The following ATOSA variants were observed in gnomAD, a reference collection of about 807,000 sequenced individuals.
The protein encoded by ATOSA is atos homolog A, also known as atos homolog protein A.
At chr15:52,624,543 T>G in the ATOSA span, among the ~76,000 whole-genome samples, 1 of 152,222 alleles carries the variant, frequency 6.6e-6, no homozygotes, top group Non-Finnish European at 1.5e-5. Context: ...ACTTAGGGCA[T>G]TAATCACAAA....
the ATOSA span, among the ~76,000 whole-genome samples, chr15:52,588,124 T>C: frequency 6.6e-6 from 1 of 152,168 alleles, no homozygotes; most frequent in East Asian, 1.9e-4. Context: ...ATGAGCATCA[T>C]CAGCATCACT....
chr15:52,696,804 A>T, the ATOSA span, among the ~76,000 whole-genome samples: 82 of 151,888 alleles, frequency 5.4e-4, no homozygotes, highest in Non-Finnish European at 1.1e-3. Context: ...GTATTTCAAC[A>T]TTATTGGATT....
the ATOSA span, chr15:52,601,040 T>G: frequency 8.4e-7 from 1 of 1,186,872 alleles, no homozygotes; most frequent in South Asian, 1.4e-5. Context: ...ACCAGAATTT[T>G]GTGAAATTCT....
At chr15:52,631,410 T>C in the ATOSA span, among the ~76,000 whole-genome samples, 1 of 152,124 alleles carries the variant, frequency 6.6e-6, no homozygotes, top group South Asian at 2.1e-4. Context: ...TTAAAAAAAG[T>C]CTTCCAACTT....
chr15:52,582,578 A>T, the ATOSA span, among the ~76,000 whole-genome samples: 2 of 152,248 alleles, frequency 1.3e-5, no homozygotes, highest in East Asian at 3.9e-4. Flanking sequence ...TGTCAAATAA[A>T]TCTTACTTTT....
chr15:52,651,822 A>C, the ATOSA span: 1 of 1,523,472 alleles, frequency 6.6e-7, no homozygotes, highest in South Asian at 1.2e-5. Flanking sequence ...AGCTACAGAA[A>C]ATTGGAAGCT....
chr15:52,650,475 C>T, the ATOSA span, among the ~76,000 whole-genome samples: 14 of 152,002 alleles, frequency 9.2e-5, no homozygotes, highest in African/African-American at 2.4e-4. Flanking sequence ...TAAATTTTCA[C>T]CAATTATTAG....
At chr15:52,631,352 T>G in the ATOSA span, among the ~76,000 whole-genome samples, 1 of 152,164 alleles carries the variant, frequency 6.6e-6, no homozygotes, top group South Asian at 2.1e-4. Flanking sequence ...TCTCCCATAT[T>G]AACCTCTTTT....
chr15:52,669,201 G>A, the ATOSA span, among the ~76,000 whole-genome samples: 2 of 152,196 alleles, frequency 1.3e-5, no homozygotes, highest in Non-Finnish European at 1.5e-5. Flanking sequence ...GATTACAGGC[G>A]TGAGCCACCG....
chr15:52,661,618 A>G, the ATOSA span, among the ~76,000 whole-genome samples: 2 of 152,280 alleles, frequency 1.3e-5, no homozygotes, highest in African/African-American at 4.8e-5. Context: ...TGGATTTAAT[A>G]TGTACCACTG....
the ATOSA span, among the ~76,000 whole-genome samples, chr15:52,590,947 A>T: frequency 6.6e-6 from 1 of 152,230 alleles, no homozygotes; most frequent in Non-Finnish European, 1.5e-5. Context: ...ACCCTTGCCA[A>T]TACCTATTTA....
chr15:52,650,644 T>C, the ATOSA span, among the ~76,000 whole-genome samples: 1 of 152,202 alleles, frequency 6.6e-6, no homozygotes, highest in Non-Finnish European at 1.5e-5. Flanking sequence ...TGACAGGTAT[T>C]TTTTGAAAAG....
chr15:52,652,748 T>C, the ATOSA span, among the ~76,000 whole-genome samples: 1 of 152,238 alleles, frequency 6.6e-6, no homozygotes, highest in Admixed American at 6.5e-5. Flanking sequence ...TGTCTCTGGA[T>C]ACATAGAACA....
At chr15:52,586,833 C>T in the ATOSA span, 8 of 193,998 alleles carry the variant, frequency 4.1e-5, no homozygotes, top group East Asian at 1.3e-4. Flanking sequence ...TAAACAGGTT[C>T]GTCTCAATTT....
the ATOSA span, chr15:52,610,227 A>G: frequency 6.2e-7 from 1 of 1,614,008 alleles, no homozygotes; most frequent in Non-Finnish European, 8.5e-7. Context: ...TATTAGTGTG[A>G]ATACTGCACG....
chr15:52,613,084 C>G, the ATOSA span, among the ~76,000 whole-genome samples: 4 of 151,972 alleles, frequency 2.6e-5, no homozygotes, highest in Admixed American at 6.6e-5. Context: ...CAAAATAAAG[C>G]AGACGGGGCG....
chr15:52,600,304 G>T, the ATOSA span: 6 of 924,802 alleles, frequency 6.5e-6, no homozygotes, highest in Non-Finnish European at 1.0e-5. Context: ...CTTGAGACAG[G>T]GTCTCACTCT....
At chr15:52,686,186 T>C in the ATOSA span, among the ~76,000 whole-genome samples, 1 of 152,254 alleles carries the variant, frequency 6.6e-6, no homozygotes, top group African/African-American at 2.4e-5. Flanking sequence ...GTAGAGATAC[T>C]GTTTATTATA....
chr15:52,635,530 C>A, the ATOSA span, among the ~76,000 whole-genome samples: 1 of 151,274 alleles, frequency 6.6e-6, no homozygotes, highest in African/African-American at 2.4e-5. Context: ...CCTGCCTCTA[C>A]ACACACACAC....
Sources: allele counts gnomAD v4.1 joint callset (sites outside exome capture counted in the v4.1 genomes callset), GRCh38; gene constraint gnomAD v4.1.1; transcripts MANE v1.5; gene names NCBI Gene and HGNC (gene_info 2026-07-23, HGNC 2026-07-21).